The following DFFA variants were observed in gnomAD, a reference collection of about 807,000 sequenced individuals.
DFFA encodes the protein DFF45.
A neutral mutation model predicts 28.0 loss-of-function variants in DFFA; 14 were observed. That is an observed-to-expected ratio of 0.50 (90% CI 0.33 to 0.78). The LOEUF is 0.78. DFFA is among the 30% of genes least tolerant of loss of function. The pLI, the probability that DFFA is intolerant of heterozygous loss-of-function variation, is 0.02. For missense variants in DFFA, 395 were observed against 407.1 expected, an observed-to-expected ratio of 0.97 and a Z score of 0.26; for synonymous variants, 158 against 170.3, an observed-to-expected ratio of 0.93 and a Z score of 0.56.
In DFFA at chr1:10,459,288, G is replaced by A. The variant is rs1433719832; in HGVS notation, c.*2202C>T. On this transcript the variant is annotated 3_prime_UTR_variant, in exon 6 of 6. Coordinates refer to ENST00000377038, the MANE Select transcript of DFFA (RefSeq NM_004401.3). ...ACCTTTTCCCTGCAAGGAGTGTACT[G>A]TAGATTACCAAACCTGCAGAAGCCG... The A allele has an allele frequency of 6.6e-6, 1 of 152,228 alleles. No homozygotes were observed. The highest frequency in any genetic ancestry group is 1.5e-5 in the Non-Finnish European group (1 of 68,054). The allele number at this position is 152,228 out of a possible 1,614,324, so 9.4% of individuals were successfully genotyped here.
rs1395693108 is a variant in DFFA, at chr1:10,458,273, C to T, written c.*3217G>A. ...TTTTCCTTTTTGCCCTGAAACAGTA[C>T]ATCTGGGGCATTATATTAATGCTTC... On this transcript the variant is annotated 3_prime_UTR_variant, in exon 6 of 6. Coordinates refer to ENST00000377038, the MANE Select transcript of DFFA (RefSeq NM_004401.3). The T allele has an allele frequency of 1.3e-5, 2 of 152,156 alleles. No individual in the cohort carries two copies. Among genetic ancestry groups the T allele is most frequent in the Non-Finnish European group, 2.9e-5 (2 of 68,052 alleles). The allele number at this position is 152,156 out of a possible 1,614,324, so 9.4% of individuals were successfully genotyped here. A position where few individuals can be genotyped will look rare whatever the true frequency, so the allele number is the denominator to read the frequency against.
chr1:10,459,908 G>C lies in DFFA; in HGVS notation c.*1582C>G, dbSNP rs941677232. ...TTAAATTTTTTTTTTGTAGAGACAG[G>C]GTCTTGCTATGTTGCCTAAGCTGAC... is the stretch of plus-strand genomic sequence containing the variant. On this transcript the variant is annotated 3_prime_UTR_variant, in exon 6 of 6. Transcript: ENST00000377038. 11 of 151,764 alleles carry C rather than the reference G, an allele frequency of 7.2e-5. No individual in the cohort carries two copies. The highest frequency in any genetic ancestry group is 2.4e-4 in the African/African-American group (10 of 41,294). The allele number at this position is 151,764 out of a possible 1,614,324, so 9.4% of individuals were successfully genotyped here. A position where few individuals can be genotyped will look rare whatever the true frequency, so the allele number is the denominator to read the frequency against.
In DFFA at chr1:10,471,124, CT is replaced by C. The variant is rs548689373; in HGVS notation, c.136+1198del. On this transcript the variant is annotated intron_variant, in intron 1 of 5. Transcript: ENST00000377038. ...TTTACAGTATCTTCCTTAGCAGCTT[CT>C]TTTCTAACCTATGGGAAAGTATAAA... Among the ~76,000 whole-genome samples the C allele has an allele frequency of 7.7e-3, 1,155 of 150,614 alleles. 11 individuals carry two copies. The highest frequency in any genetic ancestry group is 0.019 in the South Asian group (88 of 4,736).
chr1:10,466,475 C>T (rs1158390736), intron 3 of DFFA, among the ~76,000 whole-genome samples: 1 of 151,966 alleles, frequency 6.6e-6, no homozygotes, highest in African/African-American at 2.4e-5. Flanking sequence ...AGGCGTGAGC[C>T]ACTGCACCTG....
At position 10,460,674 on chromosome 1, in the gene DFFA, C is replaced by A. The variant is rs1309087663; in HGVS notation, c.*816G>T. 6.6e-6 allele frequency: 1 copy of A among 151,766 alleles called. No homozygotes were observed. The highest frequency in any genetic ancestry group is 1.5e-5 in the Non-Finnish European group (1 of 68,016). 9.4% of individuals were successfully genotyped at this position (151,766 alleles called of 1,614,324 possible). On this transcript the variant is annotated 3_prime_UTR_variant, in exon 6 of 6. Coordinates refer to ENST00000377038, the MANE Select transcript of DFFA (RefSeq NM_004401.3). ...CCTCCCGAGTAGCTGGGACTACAGG[C>A]TCCTGCCACCACGCCCAGCTAGTTT...
intron 1 of DFFA, among the ~76,000 whole-genome samples, chr1:10,471,155 G>A (rs1382109038): frequency 6.6e-6 from 1 of 151,804 alleles, no homozygotes; most frequent in Non-Finnish European, 1.5e-5. Context: ...TATAAAAGAA[G>A]TGGAAGCTTC....
intron 1 of DFFA, among the ~76,000 whole-genome samples, chr1:10,469,951 G>T (rs1333374366): frequency 1.3e-5 from 2 of 151,536 alleles, no homozygotes; most frequent in African/African-American, 2.4e-5. Flanking sequence ...GAGTAGCTGG[G>T]ACTACAGGCA....
At position 10,471,193 on chromosome 1, in the gene DFFA, T is replaced by C. The variant is rs530685906; in HGVS notation, c.136+1130A>G. ...TCAGTAGCTTTTCATATCATTATCA[T>C]TGGCGGAGAGGCTTTCTCCAGGACA... On this transcript the variant is annotated intron_variant, in intron 1 of 5. Transcript: ENST00000377038. Among the ~76,000 whole-genome samples the C allele has an allele frequency of 3.9e-5, 6 of 152,264 alleles. No individual in the cohort carries two copies. In the East Asian group the frequency reaches 5.8e-4, roughly 15 times the overall value.
intron 1 of DFFA, 80 bp from the exon 2 acceptor site, chr1:10,469,418 G>T: frequency 1.5e-6 from 2 of 1,308,936 alleles, no homozygotes; most frequent in Non-Finnish European, 2.1e-6. Context: ...AGTATGTATG[G>T]CTCCAGAGCT....
Position 10,461,677 on chromosome 1 carries a change from G to A in DFFA, c.809C>T (p.Ala270Val), listed in dbSNP as rs1366411583. Reference sequence around the variant, plus strand: ...GTCCCAGTTCAAGGCAACAGCCAGTGCTTTGGGGTCTTCCTTGGTAACCAA... The same window carrying A: ...GTCCCAGTTCAAGGCAACAGCCAGTACTTTGGGGTCTTCCTTGGTAACCAA... ...LELVTKEDPKALAVALNWDIK... is the reference protein window; with the variant it reads ...LELVTKEDPKVLAVALNWDIK... The change falls in exon 6 of 6, where the codon GCA (alanine) becomes GTA (valine). Residue 270 changes from alanine (A) to valine (V), a missense_variant. Physicochemically the swap from Ala to Val is moderately conservative, Grantham distance 64. Coordinates refer to ENST00000377038, the MANE Select transcript of DFFA (RefSeq NM_004401.3). The A allele has an allele frequency of 1.9e-6, 3 of 1,614,144 alleles. No homozygotes were observed. The African/African-American group carries it at 4.0e-5, about 22-fold the overall frequency.
Position 10,467,265 on chromosome 1 carries a change from C to G in DFFA, c.366G>C (p.Leu122Phe). 2 of 1,614,174 alleles carry G rather than the reference C, an allele frequency of 1.2e-6. No homozygotes were observed. The highest frequency in any genetic ancestry group is 1.7e-6 in the Non-Finnish European group (2 of 1,180,022). Residue 122 changes from leucine to phenylalanine, a missense_variant, in exon 3 of 6, where the codon TTG becomes TTC. Physicochemically the swap from Leu to Phe is conservative, Grantham distance 22. Transcript: ENST00000377038. ...GCTGCCTGGCCACATTCTTCCACTTCAACCCTGCCCCGCTGTCTGTTTCAT... is the reference window on the plus strand; with the variant it reads ...GCTGCCTGGCCACATTCTTCCACTTGAACCCTGCCCCGCTGTCTGTTTCAT... ...DVDETDSGAG[L>F]KWKNVARQLK...
chr1:10,456,684 G>A lies in DFFA; in HGVS notation c.*4806C>T, dbSNP rs370089781. On this transcript the variant is annotated 3_prime_UTR_variant, in exon 6 of 6. Coordinates refer to ENST00000377038, the MANE Select transcript of DFFA (RefSeq NM_004401.3). ...AGTTTTTCTCTTTTGCTTTTACCCAGAAATTAAAGGTTGGTAAGTGGTAAT... is the reference window on the plus strand; with the variant it reads ...AGTTTTTCTCTTTTGCTTTTACCCAAAAATTAAAGGTTGGTAAGTGGTAAT... The A allele has an allele frequency of 2.7e-4, 41 of 152,170 alleles. No individual in the cohort carries two copies. Among genetic ancestry groups the A allele is most frequent in the East Asian group, 2.1e-3 (11 of 5,180 alleles). 9.4% of individuals were successfully genotyped at this position (152,170 alleles called of 1,614,324 possible). A position where few individuals can be genotyped will look rare whatever the true frequency, so the allele number is the denominator to read the frequency against.
Position 10,472,460 on chromosome 1 carries a change from C to T in DFFA, c.-2G>A. The stretch of plus-strand genomic sequence containing the variant: ...CCCGGCGTCCCCGGTCACCTCCATC[C>T]TCCACAAGGTGGGACCTGCCCACCT... On this transcript the variant is annotated 5_prime_UTR_variant, in exon 1 of 6. Coordinates refer to ENST00000377038, the MANE Select transcript of DFFA (RefSeq NM_004401.3). This position sits in a 1 kb window ranked among gnomAD's most constrained non-coding sequence, Gnocchi z 5.0. 6.2e-7 allele frequency: 1 copy of T among 1,608,690 alleles called. No individual in the cohort carries two copies.
intron 1 of DFFA, among the ~76,000 whole-genome samples, chr1:10,470,549 G>T (rs905245245): frequency 6.7e-6 from 1 of 149,438 alleles, no homozygotes; most frequent in African/African-American, 2.5e-5. Flanking sequence ...TTCAGCCTCC[G>T]GAGTAGCTGG....
Position 10,466,435 on chromosome 1 carries a change from C to T in DFFA, c.441+755G>A, listed in dbSNP as rs996985933. The stretch of plus-strand genomic sequence containing the variant: ...CGATCTCCTGACCTCGTGATCTGCC[C>T]GCCTCGGCCTCCCAAAGTGCTGAGA... On this transcript the variant is annotated intron_variant, in intron 3 of 5. Transcript: ENST00000377038. 5.9e-5 allele frequency among the ~76,000 whole-genome samples: 9 copies of T among 151,886 alleles called. No individual in the cohort carries two copies. The East Asian group carries it at 1.2e-3, about 20-fold the overall frequency.
chr1:10,461,722 C>T lies in DFFA; in HGVS notation c.784-20G>A. 1 of 1,613,344 alleles carries T rather than the reference C, an allele frequency of 6.2e-7. No homozygotes were observed. Among genetic ancestry groups the T allele is most frequent in the South Asian group, 1.1e-5 (1 of 91,034 alleles). ...AACCAACTGCAGCAAGAATAAAAAC[C>T]CCTGAGAACTGGGCCTTCTGTGCGC... On this transcript the variant is annotated intron_variant, in intron 5 of 5. Coordinates refer to ENST00000377038, the MANE Select transcript of DFFA (RefSeq NM_004401.3).
intron 1 of DFFA, among the ~76,000 whole-genome samples, chr1:10,471,062 CAAAAAAAA>C (rs59465527): frequency 2.1e-5 from 2 of 96,520 alleles, no homozygotes; most frequent in African/African-American, 3.9e-5. Flanking sequence ...CACTCCGTCT[CAAAAAAAA>C]AAAAAAAAAA....
At chr1:10,463,879 G>A (rs1156274457) in intron 3 of DFFA, among the ~76,000 whole-genome samples, 1 of 151,942 alleles carries the variant, frequency 6.6e-6, no homozygotes, top group Admixed American at 6.6e-5. Context: ...TGGCCAGGCT[G>A]GTCTTGAACT....
intron 1 of DFFA, among the ~76,000 whole-genome samples, chr1:10,471,632 C>G (rs1373021209): frequency 2.0e-5 from 3 of 152,282 alleles, no homozygotes; most frequent in Non-Finnish European, 4.4e-5. Context: ...ACCTGTAAAA[C>G]TTCTTTGGGT....
Sources: gnomAD v4.1 joint callset for allele counts (sites outside exome capture counted in the v4.1 genomes callset) on GRCh38, gnomAD v4.1.1 for gene constraint, Gnocchi (gnomAD v3.1) non-coding constraint, MANE v1.5 for transcripts, NCBI Gene and HGNC (gene_info 2026-07-23, HGNC 2026-07-21) for gene names.